EXO1: variants seen among roughly 807,000 people sequenced by gnomAD.
The protein encoded by EXO1 is exonuclease 1.
In EXO1, 69 loss-of-function variants were observed where a neutral mutation model predicts 84.5. The ratio of observed to expected loss-of-function variants is 0.82; its 90% CI spans 0.67 to 1.00. EXO1 has a LOEUF of 1.00. EXO1 is among the 50% of genes least tolerant of loss of function. EXO1 has a pLI of 0.00. For missense variants in EXO1, 1,045 were observed against 1,000.7 expected (o/e 1.04, Z -0.60); for synonymous variants, 373 against 366.1 (o/e 1.02, Z -0.21).
In EXO1 at chr1:241,857,368, T is replaced by A. The variant is rs149474050; in HGVS notation, c.429T>A (p.Asp143Glu). 8.5e-4 allele frequency: 1,367 copies of A among 1,613,968 alleles called. 1 individual carries two copies. Among genetic ancestry groups the A allele is most frequent in the Admixed American group, 2.0e-3 (123 of 60,018 alleles). ...AGGCTGCCCGGTCTCAGGGGGTAGA[T>A]TGCCTCGTGGCTCCCTATGAAGCTG... ...VIKAARSQGV[D>E]CLVAPYEADA... Residue 143 changes from aspartate (D) to glutamate (E), a missense_variant, in exon 7 of 16, where the codon GAT becomes GAA. Asp to Glu is a conservative substitution (Grantham distance 45, BLOSUM62 2). Transcript: ENST00000366548.
At chr1:241,858,210 G>A (rs116036648) in intron 7 of EXO1, among the ~76,000 whole-genome samples, 65 of 152,336 alleles carry the variant, frequency 4.3e-4, no homozygotes, top group Non-Finnish European at 7.9e-4. Context: ...ATGCATTACT[G>A]TTTGATTATC....
At chr1:241,855,802 C>A (rs549960995) in intron 6 of EXO1, among the ~76,000 whole-genome samples, 93 of 152,370 alleles carry the variant, frequency 6.1e-4, no homozygotes, top group African/African-American at 2.2e-3. Flanking sequence ...CCCAGTACAT[C>A]CTCCGCAGCC....
At chr1:241,853,730 G>A (rs1225064999) in intron 6 of EXO1, among the ~76,000 whole-genome samples, 1 of 152,034 alleles carries the variant, frequency 6.6e-6, no homozygotes. Context: ...GGAAGGAACA[G>A]GGCCAGGCAC....
Position 241,876,451 on chromosome 1 carries a change from A to C in EXO1, c.1515-2298A>C, listed in dbSNP as rs111656349. ...TCAAAAATTAGCTGGGCGTAGTGGC[A>C]GATGCCTGTAATCCCAGCTTCTCGG... On this transcript the variant is annotated intron_variant, in intron 12 of 15. Transcript: ENST00000366548. Among the ~76,000 whole-genome samples the C allele has an allele frequency of 5.5e-3, 828 of 151,840 alleles. 6 individuals carry two copies. Among genetic ancestry groups the C allele is most frequent in the African/African-American group, 0.019 (790 of 41,382 alleles).
chr1:241,886,172 G>A (rs1413472768), intron 15 of EXO1, among the ~76,000 whole-genome samples: 2 of 152,164 alleles, frequency 1.3e-5, no homozygotes, highest in Non-Finnish European at 2.9e-5. Flanking sequence ...TTTTAAAGAA[G>A]GGGTAGAAAC....
chr1:241,869,237 A>T (rs1471200307), intron 11 of EXO1, among the ~76,000 whole-genome samples: 2 of 152,248 alleles, frequency 1.3e-5, no homozygotes, highest in Non-Finnish European at 2.9e-5. Flanking sequence ...GCAGAATAAT[A>T]GAGTTCAGAA....
At position 241,878,942 on chromosome 1, in the gene EXO1, G is replaced by A. The variant is rs752146064; in HGVS notation, c.1708G>A (p.Gly570Ser). The change falls in exon 13 of 16, where the codon GGT (glycine) becomes AGT (serine). Residue 570 changes from glycine (G) to serine (S), a missense_variant. Coordinates refer to ENST00000366548, the MANE Select transcript of EXO1 (RefSeq NM_130398.4). ...TGACATTCCGAATAATCATATTCCA[G>A]GTGATCATATTCCAGACAAGGCAAC... ...SDDIPNNHIP[G>S]DHIPDKATVF... 1.2e-6 allele frequency: 2 copies of A among 1,614,150 alleles called. No homozygotes were observed. The highest frequency in any genetic ancestry group is 4.5e-5 in the East Asian group (2 of 44,872).
rs1558146123 is a variant in EXO1, at chr1:241,882,008, A to C, written c.2202A>C (p.Leu734=). 1 of 1,478,452 alleles carries C rather than the reference A, an allele frequency of 6.8e-7. No homozygotes were observed. Among genetic ancestry groups the C allele is most frequent in the Admixed American group, 1.7e-5 (1 of 59,752 alleles). 91.6% of individuals were successfully genotyped at this position (1,478,452 alleles called of 1,614,324 possible). Residue 734 remains leucine (L), a synonymous_variant, in exon 14 of 16, where the codon CTA becomes CTC. Transcript: ENST00000366548. ...LSHFSKKDTP[L]RNKVPGLYKS... ...ATTTCTCAAAAAAAGACACACCTCTAAGGAACAAGGTAAAACATTTATTTA... is the reference window on the plus strand; with the variant it reads ...ATTTCTCAAAAAAAGACACACCTCTCAGGAACAAGGTAAAACATTTATTTA...
intron 6 of EXO1, among the ~76,000 whole-genome samples, chr1:241,853,874 G>A (rs1660801163): frequency 6.6e-6 from 1 of 151,978 alleles, no homozygotes; most frequent in Non-Finnish European, 1.5e-5. Flanking sequence ...ATGAAGAGAT[G>A]GAAGGAACAA....
At chr1:241,853,225 C>T (rs1057154199) in intron 5 of EXO1, 133 bp from the exon 6 acceptor site, 1 of 851,114 alleles carries the variant, frequency 1.2e-6, no homozygotes, top group Non-Finnish European at 1.9e-6. Context: ...TTCTCAAGGG[C>T]CTGGTGTGTA....
intron 10 of EXO1, among the ~76,000 whole-genome samples, chr1:241,865,373 G>T (rs532177589): frequency 1.3e-5 from 2 of 151,790 alleles, no homozygotes; most frequent in Non-Finnish European, 2.9e-5. Context: ...CACCACGCCC[G>T]GCTGATTTTT....
chr1:241,858,147 A>G (rs1185249339), intron 7 of EXO1, among the ~76,000 whole-genome samples: 1 of 152,252 alleles, frequency 6.6e-6, no homozygotes, highest in Non-Finnish European at 1.5e-5. Context: ...AATAATAAGG[A>G]AAAAGATTAC....
intron 5 of EXO1, among the ~76,000 whole-genome samples, chr1:241,853,100 A>G (rs994359859): frequency 4.6e-5 from 7 of 152,200 alleles, no homozygotes; most frequent in African/African-American, 1.7e-4. Flanking sequence ...TTTCTTTGAC[A>G]AAAAGAATTG....
At chr1:241,861,687 T>G (rs1661398379) in intron 10 of EXO1, among the ~76,000 whole-genome samples, 185 bp downstream of exon 10, 1 of 152,230 alleles carries the variant, frequency 6.6e-6, no homozygotes, top group African/African-American at 2.4e-5. Context: ...GTATATTGGT[T>G]AATTTTTTAA....
chr1:241,853,288 C>T (rs4149867), intron 5 of EXO1, 70 bp from the exon 6 acceptor site: 322,948 of 1,533,892 alleles, frequency 0.21, 36,238 homozygotes, highest in South Asian at 0.24. Flanking sequence ...TCTTGAATTA[C>T]AGTTCTGTTA....
chr1:241,855,132 C>T (rs1194435126), intron 6 of EXO1, among the ~76,000 whole-genome samples: 1 of 152,160 alleles, frequency 6.6e-6, no homozygotes, highest in Non-Finnish European at 1.5e-5. Flanking sequence ...AAGTGGGTTG[C>T]CACTGCTGGC....
intron 15 of EXO1, among the ~76,000 whole-genome samples, chr1:241,886,973 A>G (rs1663103552): frequency 6.6e-6 from 1 of 152,210 alleles, no homozygotes; most frequent in Admixed American, 6.5e-5. Flanking sequence ...GGTTGAGTAT[A>G]TGAAGGAAAT....
At chr1:241,865,605 ATG>A (rs1661666636) in intron 10 of EXO1, among the ~76,000 whole-genome samples, 1 of 152,180 alleles carries the variant, frequency 6.6e-6, no homozygotes, top group Non-Finnish European at 1.5e-5. Flanking sequence ...ACCAATTGTA[ATG>A]TTATGGAATG....
intron 14 of EXO1, among the ~76,000 whole-genome samples, chr1:241,884,763 G>A (rs1662957538): frequency 1.3e-5 from 2 of 152,150 alleles, no homozygotes; most frequent in South Asian, 4.1e-4. Context: ...CATTCATTTT[G>A]CTCTCTGTTC....
Sources: allele counts gnomAD v4.1 joint callset (sites outside exome capture counted in the v4.1 genomes callset), GRCh38; gene constraint gnomAD v4.1.1; transcripts MANE v1.5; gene names NCBI Gene and HGNC (gene_info 2026-07-23, HGNC 2026-07-21).